Variants in ADGRB3 observed in about 807,000 individuals in gnomAD.
The protein encoded by ADGRB3 is brain-specific angiogenesis inhibitor 3.
Under a neutral mutation model 193.4 loss-of-function variants are expected in ADGRB3, and 37 were observed. The observed-to-expected ratio is 0.19, with a 90% CI of 0.15 to 0.25. The LOEUF (loss-of-function observed/expected upper bound fraction) is 0.25. Among genes scored for constraint, ADGRB3 ranks in the 10% least tolerant of loss-of-function variants. The probability of loss-of-function intolerance (pLI) is 1.00; values close to 1 mark genes in which losing one functional copy is unlikely to be tolerated. For synonymous variants in ADGRB3, 690 were observed against 644.2 expected, an observed-to-expected ratio of 1.07 and a Z score of -1.08; for missense variants, 1,637 against 1,852.9, an observed-to-expected ratio of 0.88 and a Z score of 2.14.
chr6:68,701,106 A>T (rs1765235988), intron 3 of ADGRB3, among the ~76,000 whole-genome samples: 1 of 152,176 alleles, frequency 6.6e-6, no homozygotes, highest in Admixed American at 6.5e-5. Context: ...AGTAAATTTA[A>T]TTTTAAATTA....
intron 20 of ADGRB3, among the ~76,000 whole-genome samples, chr6:69,288,088 T>G (rs1767589983): frequency 6.6e-6 from 1 of 152,224 alleles, no homozygotes; most frequent in Admixed American, 6.5e-5. Context: ...GGGATACATG[T>G]GCAGAACGTG....
intron 30 of ADGRB3, among the ~76,000 whole-genome samples, chr6:69,373,810 A>G (rs1028257632): frequency 6.6e-6 from 1 of 152,088 alleles, no homozygotes; most frequent in Non-Finnish European, 1.5e-5. Flanking sequence ...CCCACTAGGC[A>G]TCAGCGGCAA....
intron 3 of ADGRB3, among the ~76,000 whole-genome samples, chr6:68,752,904 TC>T (rs1766228721): frequency 6.6e-6 from 1 of 152,156 alleles, no homozygotes; most frequent in African/African-American, 2.4e-5. Context: ...AGACCTTGGG[TC>T]ATAGAAGAAT....
At chr6:68,916,349 A>G (rs1025376188) in intron 3 of ADGRB3, among the ~76,000 whole-genome samples, 5 of 152,196 alleles carry the variant, frequency 3.3e-5, no homozygotes, top group Admixed American at 6.5e-5. Flanking sequence ...TAAAGTTAAT[A>G]TTATGAGATT....
chr6:68,962,767 C>A (rs1384893252), intron 8 of ADGRB3, among the ~76,000 whole-genome samples: 5 of 152,040 alleles, frequency 3.3e-5, no homozygotes, highest in African/African-American at 1.2e-4. Flanking sequence ...TTTACCAAGA[C>A]ACTAAATCTG....
chr6:69,324,834 G>C, intron 20 of ADGRB3, 38 bp from the exon 21 acceptor site: 1 of 1,608,382 alleles, frequency 6.2e-7, no homozygotes, highest in Non-Finnish European at 8.5e-7. Flanking sequence ...CCCTCTCCCA[G>C]GTTCAGTGTG....
chr6:68,962,764 A>G (rs1309763188), intron 8 of ADGRB3, among the ~76,000 whole-genome samples: 2 of 152,190 alleles, frequency 1.3e-5, no homozygotes, highest in African/African-American at 4.8e-5. Flanking sequence ...ATGTTTACCA[A>G]GACACTAAAT....
chr6:69,077,250 T>A (rs1772258466), intron 17 of ADGRB3, among the ~76,000 whole-genome samples: 1 of 151,998 alleles, frequency 6.6e-6, no homozygotes, highest in African/African-American at 2.4e-5. Flanking sequence ...GCTTTCTCTC[T>A]CTACCAATAG....
At chr6:68,797,744 C>T (rs1767238745) in intron 3 of ADGRB3, among the ~76,000 whole-genome samples, 1 of 152,106 alleles carries the variant, frequency 6.6e-6, no homozygotes, top group African/African-American at 2.4e-5. Flanking sequence ...AAGACGTCAT[C>T]CCCTTCATTA....
intron 3 of ADGRB3, among the ~76,000 whole-genome samples, chr6:68,861,101 T>A (rs1010572927): frequency 1.3e-5 from 2 of 152,188 alleles, no homozygotes; most frequent in Admixed American, 6.5e-5. Context: ...CCTGGGCCAC[T>A]GTCTGAGAAC....
intron 13 of ADGRB3, among the ~76,000 whole-genome samples, chr6:69,037,556 C>T (rs924022357): frequency 6.6e-6 from 1 of 152,184 alleles, no homozygotes; most frequent in Admixed American, 6.5e-5. Context: ...GTTCTTCATT[C>T]TATATAATCC....
chr6:68,914,761 T>TA (rs779351277), intron 3 of ADGRB3, among the ~76,000 whole-genome samples: 21 of 152,328 alleles, frequency 1.4e-4, no homozygotes, highest in Middle Eastern at 3.4e-3. Flanking sequence ...GTGAAAATGT[T>TA]AGAGAGGAAG....
At chr6:69,235,606 G>A (rs1371015549) in intron 19 of ADGRB3, among the ~76,000 whole-genome samples, 1 of 152,036 alleles carries the variant, frequency 6.6e-6, no homozygotes, top group Non-Finnish European at 1.5e-5. Context: ...TGCTATTGAA[G>A]CACTAACATA....
At chr6:69,337,659 G>GTGTC (rs1327513525) in intron 24 of ADGRB3, among the ~76,000 whole-genome samples, 1 of 152,146 alleles carries the variant, frequency 6.6e-6, no homozygotes, top group East Asian at 1.9e-4. Flanking sequence ...GAGGGATTTA[G>GTGTC]TGTCATATTC....
chr6:68,649,880 C>T (rs887628441), intron 3 of ADGRB3, among the ~76,000 whole-genome samples: 3 of 152,194 alleles, frequency 2.0e-5, no homozygotes, highest in African/African-American at 7.2e-5. Flanking sequence ...TGACCTCCCT[C>T]TTTGATGCTC....
intron 11 of ADGRB3, among the ~76,000 whole-genome samples, chr6:69,002,183 G>A (rs1231371830): frequency 6.6e-6 from 1 of 151,196 alleles, no homozygotes; most frequent in Non-Finnish European, 1.5e-5. Context: ...TAAATTGAAA[G>A]CAGAAGTAGT....
At chr6:68,857,034 T>C (rs530803555) in intron 3 of ADGRB3, among the ~76,000 whole-genome samples, 46 of 152,092 alleles carry the variant, frequency 3.0e-4, no homozygotes, top group Non-Finnish European at 4.6e-4. Flanking sequence ...TTCCATGGGG[T>C]GTTGAGCCTG....
At chr6:68,802,323 G>A (rs1031922213) in intron 3 of ADGRB3, among the ~76,000 whole-genome samples, 3 of 151,878 alleles carry the variant, frequency 2.0e-5, no homozygotes, top group African/African-American at 4.8e-5. Context: ...GATTTGAGAT[G>A]GGAAGCAAAC....
chr6:69,192,764 A>C (rs1239708544), intron 17 of ADGRB3, among the ~76,000 whole-genome samples: 2 of 152,124 alleles, frequency 1.3e-5, no homozygotes, highest in East Asian at 1.9e-4. Flanking sequence ...TTATTCATTA[A>C]ACATATATTT....
Sources: allele counts gnomAD v4.1 joint callset (sites outside exome capture counted in the v4.1 genomes callset), GRCh38; gene constraint gnomAD v4.1.1; transcripts MANE v1.5; gene names NCBI Gene and HGNC (gene_info 2026-07-23, HGNC 2026-07-21).